Variants in ARHGEF12 observed in about 807,000 individuals in gnomAD.
ARHGEF12 encodes the protein Rho guanine nucleotide exchange factor 12.
In ARHGEF12, 66 loss-of-function variants were observed where a neutral mutation model predicts 211.2. The ratio of observed to expected loss-of-function variants is 0.31; its 90% CI spans 0.26 to 0.38. The LOEUF is 0.38. ARHGEF12 is among the 10% of genes least tolerant of loss of function. The pLI, the probability that ARHGEF12 is intolerant of heterozygous loss-of-function variation, is 1.00. For synonymous variants in ARHGEF12, 592 were observed against 638.4 expected, an observed-to-expected ratio of 0.93 and a Z score of 1.09; for missense variants, 1,429 against 1,869.5, an observed-to-expected ratio of 0.76 and a Z score of 4.34.
intron 27 of ARHGEF12, among the ~76,000 whole-genome samples, chr11:120,462,266 G>C (rs1946557340): frequency 6.6e-6 from 1 of 152,164 alleles, no homozygotes; most frequent in African/African-American, 2.4e-5. Flanking sequence ...CCAAGGAAAG[G>C]GAAGAGAGTT....
intron 1 of ARHGEF12, among the ~76,000 whole-genome samples, chr11:120,388,145 T>C (rs1213384842): frequency 6.6e-6 from 1 of 152,186 alleles, no homozygotes; most frequent in Non-Finnish European, 1.5e-5. Flanking sequence ...TTGGTCCTTA[T>C]AGAGTAGTTT....
intron 29 of ARHGEF12, among the ~76,000 whole-genome samples, chr11:120,468,113 G>T (rs1946761365): frequency 6.6e-6 from 1 of 152,186 alleles, no homozygotes. Flanking sequence ...AATCAATGCG[G>T]TGTAATTCCA....
intron 18 of ARHGEF12, among the ~76,000 whole-genome samples, chr11:120,447,610 G>C (rs1036352884): frequency 1.3e-5 from 2 of 152,144 alleles, no homozygotes; most frequent in African/African-American, 4.8e-5. Context: ...GTAAGGCCAA[G>C]AGTTCGAGAC....
At chr11:120,429,103 G>A (rs950370362) in intron 8 of ARHGEF12, among the ~76,000 whole-genome samples, 4 of 152,204 alleles carry the variant, frequency 2.6e-5, no homozygotes, top group African/African-American at 9.6e-5. Flanking sequence ...GGTACTGGGA[G>A]TTTGAGCTAT....
At chr11:120,455,890 T>G (rs907221325) in intron 22 of ARHGEF12, among the ~76,000 whole-genome samples, 1 of 152,088 alleles carries the variant, frequency 6.6e-6, no homozygotes, top group Non-Finnish European at 1.5e-5. Context: ...TTCAGGAAAA[T>G]AAGTCATGAT....
At chr11:120,451,186 T>C (rs561483183) in intron 21 of ARHGEF12, 2 of 187,088 alleles carry the variant, frequency 1.1e-5, no homozygotes, top group East Asian at 2.7e-4. Context: ...TTATTTTATT[T>C]ATTTATTTTT....
intron 39 of ARHGEF12, among the ~76,000 whole-genome samples, chr11:120,481,992 C>T (rs1221517570): frequency 1.3e-5 from 2 of 152,140 alleles, no homozygotes; most frequent in Non-Finnish European, 2.9e-5. Flanking sequence ...ATCTCCTGAC[C>T]TCGTGATCCG....
intron 22 of ARHGEF12, among the ~76,000 whole-genome samples, chr11:120,452,049 A>G (rs1156992146): frequency 6.6e-6 from 1 of 152,230 alleles, no homozygotes; most frequent in South Asian, 2.1e-4. Context: ...AAATTGTGCC[A>G]AGTCCAATCA....
Position 120,467,271 on chromosome 11 carries a change from G to A in ARHGEF12, c.2817G>A (p.Lys939=), listed in dbSNP as rs1012269441. The A allele has an allele frequency of 6.2e-7, 1 of 1,613,278 alleles. No homozygotes were observed. The highest frequency in any genetic ancestry group is 8.5e-7 in the Non-Finnish European group (1 of 1,179,580). The change falls in exon 29 of 41, where the codon AAG becomes AAA. Residue 939 remains lysine (K), a synonymous_variant. Coordinates refer to ENST00000397843, the MANE Select transcript of ARHGEF12 (RefSeq NM_015313.3). ...CCACTCAAATGCAAAGGCTTACTAA[G>A]TACCCACTTCTGTTGGATAATATTG... ...IIPTQMQRLT[K]YPLLLDNIAK... is the part of the protein sequence containing the mutation.
intron 37 of ARHGEF12, 28 bp downstream of exon 37, chr11:120,478,417 A>G: frequency 6.3e-7 from 1 of 1,585,398 alleles, no homozygotes; most frequent in Non-Finnish European, 8.7e-7. Context: ...CTTATTACAG[A>G]TACTTACTAA....
chr11:120,380,190 A>G (rs906107343), intron 1 of ARHGEF12, among the ~76,000 whole-genome samples: 11 of 152,102 alleles, frequency 7.2e-5, no homozygotes, highest in Admixed American at 3.9e-4. Flanking sequence ...TTAATTTTTT[A>G]TTTAGAGAAA....
intron 1 of ARHGEF12, among the ~76,000 whole-genome samples, chr11:120,355,477 A>G (rs1188999725): frequency 1.3e-5 from 2 of 152,254 alleles, no homozygotes; most frequent in African/African-American, 4.8e-5. Flanking sequence ...CAGATGAGAA[A>G]AAAACTTAGA....
chr11:120,440,825 A>C (rs1028938499), intron 13 of ARHGEF12, among the ~76,000 whole-genome samples: 1 of 152,162 alleles, frequency 6.6e-6, no homozygotes, highest in Non-Finnish European at 1.5e-5. Flanking sequence ...GATGTTAGCT[A>C]TAAGTATTTT....
In ARHGEF12 at chr11:120,448,230, C is replaced by CT. The variant is rs1946102469; in HGVS notation, c.1623-4_1623-3insT. The CT allele has an allele frequency of 6.2e-7, 1 of 1,604,768 alleles. No individual in the cohort carries two copies. The highest frequency in any genetic ancestry group is 1.3e-5 in the African/African-American group (1 of 74,606). On this transcript the variant is annotated splice_region_variant and splice_polypyrimidine_tract_variant and intron_variant, in intron 19 of 40. Coordinates refer to ENST00000397843, the MANE Select transcript of ARHGEF12 (RefSeq NM_015313.3). The stretch of plus-strand genomic sequence containing the variant: ...CTTAATTTACTTCGTCCTTTCTCCT[C>CT]CAGCTCCACCATGCAGTATGTTATT...
intron 1 of ARHGEF12, among the ~76,000 whole-genome samples, chr11:120,383,864 T>C (rs76182125): frequency 4.2e-4 from 64 of 152,136 alleles, no homozygotes; most frequent in Non-Finnish European, 7.9e-4. Context: ...GTTAGATATG[T>C]CACATGATTA....
chr11:120,375,826 C>T (rs1321979219), intron 1 of ARHGEF12, among the ~76,000 whole-genome samples: 1 of 152,112 alleles, frequency 6.6e-6, no homozygotes, highest in Non-Finnish European at 1.5e-5. Flanking sequence ...TCCTTAGCCT[C>T]CTCTTGGCTG....
chr11:120,475,996 C>T (rs1947016698), intron 33 of ARHGEF12: 1 of 152,958 alleles, frequency 6.5e-6, no homozygotes, highest in South Asian at 2.1e-4. Flanking sequence ...ATATTATTAA[C>T]TAACAACTTA....
At chr11:120,475,264 G>A in intron 32 of ARHGEF12, 76 bp from the exon 33 acceptor site, 1 of 1,347,612 alleles carries the variant, frequency 7.4e-7, no homozygotes, top group South Asian at 1.4e-5. Flanking sequence ...GAATTCCTCT[G>A]TTGAATCATT....
chr11:120,347,298 G>T (rs1942798477), intron 1 of ARHGEF12, among the ~76,000 whole-genome samples: 1 of 147,228 alleles, frequency 6.8e-6, no homozygotes, highest in African/African-American at 2.5e-5. Flanking sequence ...GTGTGTGTGT[G>T]TGTGTGTGTA....
Sources: allele counts gnomAD v4.1 joint callset (sites outside exome capture counted in the v4.1 genomes callset), GRCh38; gene constraint gnomAD v4.1.1; transcripts MANE v1.5; gene names NCBI Gene and HGNC (gene_info 2026-07-23, HGNC 2026-07-21).